Variants in KCNC3 observed in about 807,000 individuals in gnomAD.
KCNC3 encodes the protein voltage-gated potassium channel KCNC3.
In KCNC3, 22 loss-of-function variants were observed where a neutral mutation model predicts 43.9. The ratio of observed to expected loss-of-function variants is 0.50; its 90% CI spans 0.36 to 0.72. The LOEUF (loss-of-function observed/expected upper bound fraction) is 0.72. KCNC3 is among the 30% of genes least tolerant of loss of function. The probability of loss-of-function intolerance (pLI) is 0.00; values close to 1 mark genes in which losing one functional copy is unlikely to be tolerated. For missense variants in KCNC3, 829 were observed against 1,073.8 expected (o/e 0.77, Z 3.19); for synonymous variants, 492 against 488.0 (o/e 1.01, Z -0.11).
chr19:50,325,520 C>G (rs114443304), intron 1 of KCNC3, among the ~76,000 whole-genome samples: 14,219 of 152,174 alleles, frequency 0.093, 938 homozygotes, highest in Admixed American at 0.21. Flanking sequence ...TGGAGAGTTT[C>G]GGGGCCACAG....
chr19:50,330,751 G>A (rs757969435), upstream of KCNC3, among the ~76,000 whole-genome samples: 11 of 152,148 alleles, frequency 7.2e-5, no homozygotes, highest in Non-Finnish European at 1.3e-4. Context: ...GGTGGGCTAG[G>A]AGTCTCAGAG....
chr19:50,332,501 G>C (rs1278842766), upstream of KCNC3, among the ~76,000 whole-genome samples: 1 of 152,090 alleles, frequency 6.6e-6, no homozygotes, highest in Non-Finnish European at 1.5e-5. This position sits in a 1 kb window ranked among gnomAD's most constrained non-coding sequence, Gnocchi z 5.8. Context: ...TCAGGCCCTG[G>C]GAAACTTGGA....
chr19:50,312,158 A>G lies in KCNC3; in HGVS notation c.*3957T>C, dbSNP rs2036884931. ...GCTGAGAAGACCCGCCATTAGCACC[A>G]GAGTTGGACGATTTGCAGACCTCCC... On this transcript the variant is annotated 3_prime_UTR_variant, in exon 5 of 5. Transcript: ENST00000477616. 6.6e-6 allele frequency: 1 copy of G among 152,028 alleles called. No homozygotes were observed. Among genetic ancestry groups the G allele is most frequent in the Non-Finnish European group, 1.5e-5 (1 of 68,002 alleles). 9.4% of individuals were successfully genotyped at this position (152,028 alleles called of 1,614,324 possible). A position where few individuals can be genotyped will look rare whatever the true frequency, so the allele number is the denominator to read the frequency against.
intron 2 of KCNC3, among the ~76,000 whole-genome samples, chr19:50,322,757 T>A (rs575233457): frequency 6.0e-4 from 92 of 152,216 alleles, no homozygotes; most frequent in African/African-American, 2.1e-3. Flanking sequence ...CCTCTGAATA[T>A]CTTGCAAATC....
upstream of KCNC3, among the ~76,000 whole-genome samples, chr19:50,332,976 C>T (rs608403): frequency 0.018 from 2,745 of 152,274 alleles, 89 homozygotes; most frequent in African/African-American, 0.062. This position sits in a 1 kb window ranked among gnomAD's most constrained non-coding sequence, Gnocchi z 5.8. Flanking sequence ...GGTCTCTGGA[C>T]ACCAAAGGTG....
chr19:50,326,183 C>A (rs2037103283), intron 1 of KCNC3, among the ~76,000 whole-genome samples: 1 of 152,180 alleles, frequency 6.6e-6, no homozygotes, highest in African/African-American at 2.4e-5. Context: ...ACCTTGGACA[C>A]CCAAAACACA....
At chr19:50,318,512 G>A (rs1029906608) in intron 4 of KCNC3, among the ~76,000 whole-genome samples, 7 of 152,092 alleles carry the variant, frequency 4.6e-5, no homozygotes, top group Non-Finnish European at 1.0e-4. Flanking sequence ...TCCTATGAGC[G>A]GCTGGAAACT....
rs2037062188 is a variant in KCNC3 at position 50,323,441 on chromosome 19, C to T, written c.1512G>A (p.Leu504=). The T allele has an allele frequency of 6.2e-7, 1 of 1,614,088 alleles. No individual in the cohort carries two copies. Among genetic ancestry groups the T allele is most frequent in the African/African-American group, 1.3e-5 (1 of 74,938 alleles). ...TCTTGGGGTACATGTCTCCATAGCC[C>T]AGGGTCGTCATGGTGACCACAGCCC... is the stretch of plus-strand genomic sequence containing the variant. ...FWWAVVTMTT[L]GYGDMYPKTW... Residue 504 remains leucine (L), a synonymous_variant, in exon 2 of 5, where the codon CTG becomes CTA. Coordinates refer to ENST00000477616, the MANE Select transcript of KCNC3 (RefSeq NM_004977.3).
At chr19:50,322,582 C>T (rs909479369) in intron 2 of KCNC3, among the ~76,000 whole-genome samples, 2 of 152,146 alleles carry the variant, frequency 1.3e-5, no homozygotes, top group African/African-American at 2.4e-5. Flanking sequence ...TCTCTTCCCT[C>T]AGGGCTGTCT....
chr19:50,317,230 G>A (rs776393341), intron 4 of KCNC3, among the ~76,000 whole-genome samples: 13 of 89,958 alleles, frequency 1.4e-4, no homozygotes, highest in Non-Finnish European at 2.0e-4. Flanking sequence ...AAGGAGAGGT[G>A]GGGGGGATGG....
In KCNC3 at chr19:50,323,972, G is replaced by A; in HGVS notation, c.981C>T (p.Ser327=). ...HISNKTVTQA[S]PIPGAPPENI... is the part of the protein sequence containing the mutation. Reference sequence around the variant, plus strand: ...TCTCCGGAGGTGCCCCGGGGATCGGGGAGGCCTGGGTCACCGTCTTGTTGC... The same window carrying A: ...TCTCCGGAGGTGCCCCGGGGATCGGAGAGGCCTGGGTCACCGTCTTGTTGC... The change falls in exon 2 of 5, where the codon TCC becomes TCT. Residue 327 remains serine, a synonymous_variant. Coordinates refer to ENST00000477616, the MANE Select transcript of KCNC3 (RefSeq NM_004977.3). 4 of 1,613,484 alleles carry A rather than the reference G, an allele frequency of 2.5e-6. No individual in the cohort carries two copies. Among genetic ancestry groups the A allele is most frequent in the Non-Finnish European group, 2.5e-6 (3 of 1,179,418 alleles).
Position 50,324,861 on chromosome 19 carries a change from T to G in KCNC3, c.871-779A>C, listed in dbSNP as rs1601099674. Reference sequence around the variant, plus strand: ...CAGTGGTGGTGCCACAGAGGGGAGGTGGGGGTCCGGGCCCTTAAGGGAGGA... The same window carrying G: ...CAGTGGTGGTGCCACAGAGGGGAGGGGGGGGTCCGGGCCCTTAAGGGAGGA... On this transcript the variant is annotated intron_variant, in intron 1 of 4. Transcript: ENST00000477616. The surrounding 1 kb of genome is among the most constrained non-coding windows in gnomAD (Gnocchi z 4.1). 2.1e-5 allele frequency among the ~76,000 whole-genome samples: 3 copies of G among 144,134 alleles called. No individual in the cohort carries two copies. Among genetic ancestry groups the G allele is most frequent in the African/African-American group, 5.2e-5 (2 of 38,348 alleles). 94.6% of individuals were successfully genotyped at this position (144,134 alleles called of 152,430 possible).
Position 50,329,130 on chromosome 19 carries a change from CG to C in KCNC3, c.-49del, listed in dbSNP as rs1289386905. ...GGGCGGGGACGCAGGGGCGGGGACACGGGGGGAGAGACCGACGGGATTGGGT... is the reference window on the plus strand; with the variant it reads ...GGGCGGGGACGCAGGGGCGGGGACACGGGGGAGAGACCGACGGGATTGGGT... On this transcript the variant is annotated 5_prime_UTR_variant, in exon 1 of 5. Transcript: ENST00000477616. 3 of 43,852 alleles carry C rather than the reference CG, an allele frequency of 6.8e-5. No individual in the cohort carries two copies. The highest frequency in any genetic ancestry group is 3.0e-4 in the Admixed American group (1 of 3,282). The allele number at this position is 43,852 out of a possible 1,614,324, so 2.7% of individuals were successfully genotyped here. A position where few individuals can be genotyped will look rare whatever the true frequency, so the allele number is the denominator to read the frequency against.
chr19:50,329,401 A>G (rs1366988042), upstream of KCNC3: 2 of 169,070 alleles, frequency 1.2e-5, no homozygotes, highest in Non-Finnish European at 2.5e-5. Context: ...GTTCGGCAGC[A>G]CTGGTAGCCA....
intron 2 of KCNC3, among the ~76,000 whole-genome samples, chr19:50,321,060 C>T (rs1038921095): frequency 2.0e-5 from 3 of 151,414 alleles, no homozygotes; most frequent in African/African-American, 7.3e-5. Context: ...GTGGTCTGGA[C>T]AGGGAGTTGG....
chr19:50,318,403 G>C (rs550056623), intron 4 of KCNC3, among the ~76,000 whole-genome samples: 2 of 151,372 alleles, frequency 1.3e-5, no homozygotes, highest in Non-Finnish European at 2.9e-5. Context: ...TCGAACTCCT[G>C]ACCTCAAGTG....
chr19:50,319,864 C>G lies in KCNC3; in HGVS notation c.*23+359G>C, dbSNP rs1207483070. Among the ~76,000 whole-genome samples the G allele has an allele frequency of 3.3e-5, 5 of 151,908 alleles. No individual in the cohort carries two copies. In the South Asian group the frequency reaches 8.3e-4, roughly 25 times the overall value. The stretch of plus-strand genomic sequence containing the variant: ...ATGGCTGAGCCTTTCTCTCCCCATT[C>G]TGCACCCAGAAGTGTTCTGGGTATG... On this transcript the variant is annotated intron_variant, in intron 4 of 4. Transcript: ENST00000477616.
At chr19:50,330,722 C>A (rs966360069), upstream of KCNC3, among the ~76,000 whole-genome samples, 2 of 151,912 alleles carry the variant, frequency 1.3e-5, no homozygotes, top group African/African-American at 2.4e-5. Flanking sequence ...GCAATATAGG[C>A]AGGACCGATA....
At chr19:50,332,499 T>C (rs569758838), upstream of KCNC3, among the ~76,000 whole-genome samples, 1 of 152,138 alleles carries the variant, frequency 6.6e-6, no homozygotes, top group Admixed American at 6.5e-5. This position sits in a 1 kb window ranked among gnomAD's most constrained non-coding sequence, Gnocchi z 5.8. Context: ...CATCAGGCCC[T>C]GGGAAACTTG....
Sources: allele counts gnomAD v4.1 joint callset (sites outside exome capture counted in the v4.1 genomes callset), GRCh38; gene constraint gnomAD v4.1.1; non-coding constraint Gnocchi (gnomAD v3.1); transcripts MANE v1.5; gene names NCBI Gene and HGNC (gene_info 2026-07-23, HGNC 2026-07-21).